OTUD7A: variants seen among roughly 807,000 people sequenced by gnomAD.
The protein encoded by OTUD7A is OTU deubiquitinase 7A, also known as OTU domain-containing protein 7A.
OTUD7A carries 12 observed loss-of-function variants against 65.7 expected under a neutral mutation model. That is an observed-to-expected ratio of 0.18 (90% CI 0.12 to 0.30). OTUD7A has a LOEUF of 0.30. Among genes scored for constraint, OTUD7A ranks in the 10% least tolerant of loss-of-function variants. The pLI, the probability that OTUD7A is intolerant of heterozygous loss-of-function variation, is 1.00. For missense variants in OTUD7A, 1,148 were observed against 1,304.8 expected (o/e 0.88, Z 1.85); for synonymous variants, 641 against 586.3 (o/e 1.09, Z -1.35).
chr15:31,509,776 T>A (rs1355719920), intron 8 of OTUD7A, among the ~76,000 whole-genome samples: 1 of 67,874 alleles, frequency 1.5e-5, no homozygotes, highest in Non-Finnish European at 2.9e-5. Context: ...TTGCATAAAT[T>A]TTTTTTATAA....
Position 31,483,177 on chromosome 15 carries a change from C to A in OTUD7A, c.*117G>T. 1.1e-6 allele frequency: 1 copy of A among 946,028 alleles called. No homozygotes were observed. The highest frequency in any genetic ancestry group is 1.3e-6 in the Non-Finnish European group (1 of 784,618). 58.6% of individuals were successfully genotyped at this position (946,028 alleles called of 1,614,324 possible). ...AACGTTTGACCAAACACGTACACGG[C>A]ACTGACAGAGGAGGCGCCGGCCTTC... On this transcript the variant is annotated 3_prime_UTR_variant, in exon 13 of 13. Coordinates refer to ENST00000307050, the MANE Select transcript of OTUD7A (RefSeq NM_001382637.1).
At chr15:31,563,303 G>A (rs1192933778) in intron 4 of OTUD7A, among the ~76,000 whole-genome samples, 3 of 152,248 alleles carry the variant, frequency 2.0e-5, no homozygotes, top group African/African-American at 7.2e-5. Context: ...TAACCGTGTG[G>A]TGTAGTCAAG....
At chr15:31,777,646 C>T (rs990015667) in intron 1 of OTUD7A, among the ~76,000 whole-genome samples, 1 of 152,166 alleles carries the variant, frequency 6.6e-6, no homozygotes, top group Non-Finnish European at 1.5e-5. Context: ...CCCCCATCCC[C>T]CACCCTCAGC....
chr15:31,659,328 T>A (rs2141282684), intron 1 of OTUD7A, among the ~76,000 whole-genome samples: 1 of 152,216 alleles, frequency 6.6e-6, no homozygotes, highest in South Asian at 2.1e-4. Context: ...GCTTTTAACA[T>A]CTGTCTTAAC....
At chr15:31,739,261 T>C (rs1367935926) in intron 1 of OTUD7A, among the ~76,000 whole-genome samples, 1 of 152,150 alleles carries the variant, frequency 6.6e-6, no homozygotes, top group Non-Finnish European at 1.5e-5. Context: ...TGAATGCAAT[T>C]TGAGGTTCCA....
intron 3 of OTUD7A, among the ~76,000 whole-genome samples, chr15:31,589,964 T>TTA (rs1346994520): frequency 2.6e-5 from 4 of 152,074 alleles, no homozygotes; most frequent in South Asian, 2.1e-4. Flanking sequence ...TTCAATTTGG[T>TTA]TATATATATA....
chr15:31,691,603 C>G (rs79553757), intron 1 of OTUD7A, among the ~76,000 whole-genome samples: 25,226 of 147,086 alleles, frequency 0.17, 2,315 homozygotes, highest in East Asian at 0.25. Context: ...GGATTAAAGG[C>G]TTAAATATAA....
At chr15:31,758,285 C>T (rs1431539226) in intron 1 of OTUD7A, among the ~76,000 whole-genome samples, 1 of 152,050 alleles carries the variant, frequency 6.6e-6, no homozygotes, top group Non-Finnish European at 1.5e-5. Context: ...ACAAGCAAAA[C>T]AGGAAACAAT....
chr15:31,749,527 T>C (rs899675661), intron 1 of OTUD7A, among the ~76,000 whole-genome samples: 1 of 152,316 alleles, frequency 6.6e-6, no homozygotes, highest in Non-Finnish European at 1.5e-5. Context: ...AGTGTTATAA[T>C]AGTTCCAAAC....
chr15:31,608,162 G>A (rs577120650), intron 3 of OTUD7A, among the ~76,000 whole-genome samples: 2 of 152,270 alleles, frequency 1.3e-5, no homozygotes, highest in African/African-American at 2.4e-5. Flanking sequence ...CAGGAGAATC[G>A]CTTGAACCCG....
chr15:31,616,698 T>C (rs540853213), intron 3 of OTUD7A, among the ~76,000 whole-genome samples: 5 of 152,164 alleles, frequency 3.3e-5, no homozygotes, highest in Non-Finnish European at 4.4e-5. Context: ...CAACCACCAC[T>C]GTGCCTGGCT....
chr15:31,851,455 G>C (rs934680853), intron 1 of OTUD7A, among the ~76,000 whole-genome samples: 1 of 152,200 alleles, frequency 6.6e-6, no homozygotes, highest in Non-Finnish European at 1.5e-5. Context: ...ACTTAGGAAA[G>C]GCCAGAGAAA....
At chr15:31,495,607 T>C (rs2041371688) in intron 10 of OTUD7A, among the ~76,000 whole-genome samples, 1 of 152,192 alleles carries the variant, frequency 6.6e-6, no homozygotes, top group African/African-American at 2.4e-5. Flanking sequence ...CAAAGAAATA[T>C]GGCCCAGTGA....
intron 3 of OTUD7A, among the ~76,000 whole-genome samples, chr15:31,626,503 T>A (rs538030476): frequency 6.6e-6 from 1 of 152,284 alleles, no homozygotes; most frequent in African/African-American, 2.4e-5. Flanking sequence ...GTTCTGTGTG[T>A]GCATGGAACT....
At chr15:31,823,987 T>C (rs1896744397) in intron 1 of OTUD7A, among the ~76,000 whole-genome samples, 1 of 152,256 alleles carries the variant, frequency 6.6e-6, no homozygotes, top group African/African-American at 2.4e-5. Context: ...TGCATCTTTA[T>C]ACATTCATTG....
At chr15:31,693,289 G>A (rs1031567402) in intron 1 of OTUD7A, among the ~76,000 whole-genome samples, 3 of 152,190 alleles carry the variant, frequency 2.0e-5, no homozygotes, top group Non-Finnish European at 4.4e-5. Flanking sequence ...AAATATGTCC[G>A]TAATGAATTA....
At chr15:31,693,239 A>G (rs994473815) in intron 1 of OTUD7A, among the ~76,000 whole-genome samples, 2 of 152,256 alleles carry the variant, frequency 1.3e-5, no homozygotes, top group Non-Finnish European at 1.5e-5. Context: ...AATAAAGAGG[A>G]GAGTCTCTTT....
intron 1 of OTUD7A, among the ~76,000 whole-genome samples, chr15:31,856,399 T>C (rs1015139057): frequency 6.6e-6 from 1 of 151,968 alleles, no homozygotes; most frequent in South Asian, 2.1e-4. Flanking sequence ...AATATTAGAT[T>C]TTTTTTCATG....
At chr15:31,520,448 T>G (rs2141110509) in intron 8 of OTUD7A, among the ~76,000 whole-genome samples, 1 of 152,338 alleles carries the variant, frequency 6.6e-6, no homozygotes, top group East Asian at 1.9e-4. Flanking sequence ...CATAGCGATA[T>G]GCAGAAGAAT....
Sources: gnomAD v4.1 joint callset for allele counts (sites outside exome capture counted in the v4.1 genomes callset) on GRCh38, gnomAD v4.1.1 for gene constraint, MANE v1.5 for transcripts, NCBI Gene and HGNC (gene_info 2026-07-23, HGNC 2026-07-21) for gene names.